Variants in MICAL3 observed in about 807,000 individuals in gnomAD.
MICAL3 encodes [F-actin]-monooxygenase MICAL3.
In MICAL3, 62 loss-of-function variants were observed where a neutral mutation model predicts 207.4. The ratio of observed to expected loss-of-function variants is 0.30; its 90% CI spans 0.24 to 0.37. The LOEUF is 0.37. Among genes scored for constraint, MICAL3 ranks in the 10% least tolerant of loss-of-function variants. MICAL3 has a pLI of 1.00. For synonymous variants in MICAL3, 1,077 were observed against 1,069.3 expected, an observed-to-expected ratio of 1.01 and a Z score of -0.14; for missense variants, 2,368 against 2,635.6, an observed-to-expected ratio of 0.90 and a Z score of 2.22.
At chr22:17,868,131 A>G (rs968212116) in intron 17 of MICAL3, among the ~76,000 whole-genome samples, 2 of 152,174 alleles carry the variant, frequency 1.3e-5, no homozygotes, top group African/African-American at 2.4e-5. Flanking sequence ...CTCCGTTCCA[A>G]CACTGTCTCA....
rs1349447805 is a variant in MICAL3 at position 17,899,607 on chromosome 22, CAGG to C, written c.848-62_848-60del. ...TTGCTGAGATGAAGGTGCATCAGGGCAGGCTGAAAGGTTACACACAGGCCTACA... is the reference window on the plus strand; with the variant it reads ...TTGCTGAGATGAAGGTGCATCAGGGCCTGAAAGGTTACACACAGGCCTACA... On this transcript the variant is annotated intron_variant, in intron 6 of 31. Transcript: ENST00000441493. The C allele has an allele frequency of 2.0e-5, 23 of 1,141,826 alleles. No individual in the cohort carries two copies. In the Admixed American group the frequency reaches 2.8e-4, roughly 14 times the overall value. 70.7% of individuals were successfully genotyped at this position (1,141,826 alleles called of 1,614,324 possible). A position where few individuals can be genotyped will look rare whatever the true frequency, so the allele number is the denominator to read the frequency against.
At position 17,900,926 on chromosome 22, in the gene MICAL3, T is replaced by C. The variant is rs1931267455; in HGVS notation, c.763A>G (p.Thr255Ala). 1.9e-6 allele frequency: 3 copies of C among 1,613,956 alleles called. No individual in the cohort carries two copies. Among genetic ancestry groups the C allele is most frequent in the Middle Eastern group, 1.6e-4 (1 of 6,084 alleles). ...ITANFINRNT[T>A]AEAKVEEISG... ...ATCTCTTCCACTTTAGCTTCTGCTG[T>C]TGTATTTCGGTTGATAAAATTTGCC... The change falls in exon 6 of 32, where the codon ACA becomes GCA. Residue 255 changes from threonine to alanine, a missense_variant. This residue lies in a region of MICAL3 where 400 missense variants were observed against 547.0 expected (regional missense o/e 0.73). Coordinates refer to ENST00000441493, the MANE Select transcript of MICAL3 (RefSeq NM_015241.3). The surrounding 1 kb of genome is among the most constrained non-coding windows in gnomAD (Gnocchi z 4.0).
chr22:18,004,732 G>A (rs1923269815), intron 1 of MICAL3: 1 of 151,984 alleles, frequency 6.6e-6, no homozygotes, highest in African/African-American at 2.4e-5. Flanking sequence ...CTTATTATTC[G>A]CCTTAGTACC....
intron 16 of MICAL3, among the ~76,000 whole-genome samples, chr22:17,873,553 G>C (rs1215106772): frequency 6.6e-6 from 1 of 152,258 alleles, no homozygotes; most frequent in Non-Finnish European, 1.5e-5. Flanking sequence ...CTTCTAGACT[G>C]GGCTGGGCAT....
At chr22:17,962,684 C>T (rs4819652) in intron 1 of MICAL3, among the ~76,000 whole-genome samples, 9 of 151,988 alleles carry the variant, frequency 5.9e-5, no homozygotes, top group Non-Finnish European at 1.3e-4. Context: ...GTTTTAGGTG[C>T]TAGGAATAAG....
At chr22:17,899,421 G>C (rs1419852876) in intron 7 of MICAL3, 27 bp downstream of exon 7, 1 of 1,419,636 alleles carries the variant, frequency 7.0e-7, no homozygotes, top group African/African-American at 1.4e-5. Context: ...CAATAAGAAA[G>C]AGTTTTGAAG....
chr22:18,003,369 T>C (rs1021784657), intron 1 of MICAL3, among the ~76,000 whole-genome samples: 1 of 152,084 alleles, frequency 6.6e-6, no homozygotes, highest in Non-Finnish European at 1.5e-5. Flanking sequence ...CACCCCTTTC[T>C]CTTCCTTCTC....
chr22:17,875,285 C>T lies in MICAL3; in HGVS notation c.2242-3262G>A, dbSNP rs1286530188. The T allele has an allele frequency of 2.0e-5, 9 of 444,918 alleles. No homozygotes were observed. The East Asian group carries it at 2.6e-4, about 13-fold the overall frequency. 27.6% of individuals were successfully genotyped at this position (444,918 alleles called of 1,614,324 possible). A position where few individuals can be genotyped will look rare whatever the true frequency, so the allele number is the denominator to read the frequency against. On this transcript the variant is annotated intron_variant, in intron 16 of 31. Coordinates refer to ENST00000441493, the MANE Select transcript of MICAL3 (RefSeq NM_015241.3). Reference sequence around the variant, plus strand: ...AGGAGTGTGCCACAGACCTCACACACGAGACCGACACAGGCAAACAGCAAC... The same window carrying T: ...AGGAGTGTGCCACAGACCTCACACATGAGACCGACACAGGCAAACAGCAAC...
intron 1 of MICAL3, among the ~76,000 whole-genome samples, chr22:17,947,505 A>G (rs1934130313): frequency 6.6e-6 from 1 of 152,206 alleles, no homozygotes; most frequent in Non-Finnish European, 1.5e-5. Flanking sequence ...CTGGTTTTGC[A>G]TCAACCTATC....
intron 7 of MICAL3, among the ~76,000 whole-genome samples, chr22:17,897,287 G>A (rs1236705997): frequency 1.3e-5 from 2 of 151,968 alleles, no homozygotes; most frequent in South Asian, 4.2e-4. Flanking sequence ...GCCAGGCATG[G>A]TGGTGTGTGC....
At chr22:18,001,731 TC>T (rs1174872416) in intron 1 of MICAL3, among the ~76,000 whole-genome samples, 2 of 152,198 alleles carry the variant, frequency 1.3e-5, no homozygotes, top group Non-Finnish European at 2.9e-5. Context: ...CTTCGTCCTC[TC>T]CGTCCCCCTG....
intron 19 of MICAL3, chr22:17,863,732 G>A: frequency 1.0e-6 from 1 of 985,356 alleles, no homozygotes; most frequent in African/African-American, 1.7e-5. Flanking sequence ...CCCAGAATGA[G>A]CACCACAAGG....
chr22:17,966,159 G>A (rs962459108), intron 1 of MICAL3, among the ~76,000 whole-genome samples: 5 of 152,054 alleles, frequency 3.3e-5, no homozygotes, highest in African/African-American at 7.2e-5. Flanking sequence ...AACCACACAC[G>A]TTTCCTTATC....
chr22:17,896,889 G>C lies in MICAL3; in HGVS notation c.1041C>G (p.Thr347=). Residue 347 remains threonine, a synonymous_variant, in exon 8 of 32, where the codon ACC becomes ACG. Coordinates refer to ENST00000441493, the MANE Select transcript of MICAL3 (RefSeq NM_015241.3). The part of the protein sequence containing the change: ...SYAREAADFS[T]QQQLPSLDFA... ...AATCCAGAGACGGCAGCTGCTGCTG[G>C]GTAGAGAAGTCTGCCGCCTCCCTGG... 6.2e-7 allele frequency: 1 copy of C among 1,614,060 alleles called. No homozygotes were observed.
In MICAL3 at chr22:17,821,874, G is replaced by A. The variant is rs542491088; in HGVS notation, c.3448+156C>T. On this transcript the variant is annotated intron_variant, in intron 24 of 31. Coordinates refer to ENST00000441493, the MANE Select transcript of MICAL3 (RefSeq NM_015241.3). ...CAGCAGCCTGTGGCACAGGGAGGGTGGACAGAGGAGGAAAAGGCAAGGAGC... is the reference window on the plus strand; with the variant it reads ...CAGCAGCCTGTGGCACAGGGAGGGTAGACAGAGGAGGAAAAGGCAAGGAGC... 2.6e-5 allele frequency among the ~76,000 whole-genome samples: 4 copies of A among 152,370 alleles called. No homozygotes were observed. In the South Asian group the frequency reaches 6.2e-4, roughly 24 times the overall value.
Position 17,865,018 on chromosome 22 carries a change from C to T in MICAL3, c.2518-32G>A, listed in dbSNP as rs201966381. ...AAGTTCATGAGAAAAAGAAGAGTGA[C>T]TCTGACTGATGCACTCAAATCCTCA... On this transcript the variant is annotated intron_variant, in intron 18 of 31. Coordinates refer to ENST00000441493, the MANE Select transcript of MICAL3 (RefSeq NM_015241.3). 3.9e-5 allele frequency: 61 copies of T among 1,580,602 alleles called. No individual in the cohort carries two copies. In the African/African-American group the frequency reaches 6.6e-4, roughly 17 times the overall value.
chr22:17,822,855 G>A (rs981822397), intron 23 of MICAL3, 92 bp downstream of exon 23: 11 of 739,366 alleles, frequency 1.5e-5, no homozygotes, highest in African/African-American at 8.9e-5. Context: ...GAGGCCCAAC[G>A]GCGGCCTCAC....
At chr22:17,957,607 A>C (rs2146374762) in intron 1 of MICAL3, among the ~76,000 whole-genome samples, 1 of 151,030 alleles carries the variant, frequency 6.6e-6, no homozygotes, top group Middle Eastern at 3.4e-3. Flanking sequence ...GCTACTCAGG[A>C]GGCTGAGGCA....
At chr22:17,981,129 G>A (rs561472897) in intron 1 of MICAL3, among the ~76,000 whole-genome samples, 10 of 152,160 alleles carry the variant, frequency 6.6e-5, no homozygotes, top group Non-Finnish European at 1.3e-4. Context: ...TAAAAGATAT[G>A]CAGCACACAA....
Sources: allele counts gnomAD v4.1 joint callset (sites outside exome capture counted in the v4.1 genomes callset), GRCh38; gene constraint gnomAD v4.1.1; regional missense constraint gnomAD v4.1.1; non-coding constraint Gnocchi (gnomAD v3.1); transcripts MANE v1.5; gene names NCBI Gene and HGNC (gene_info 2026-07-23, HGNC 2026-07-21).